The following SMURF1 variants were observed in gnomAD, a reference collection of about 807,000 sequenced individuals.
SMURF1 encodes the protein SMAD specific E3 ubiquitin protein ligase 1.
Under a neutral mutation model 98.0 loss-of-function variants are expected in SMURF1, and 44 were observed. The ratio of observed to expected loss-of-function variants is 0.45; its 90% confidence interval spans 0.35 to 0.58. The LOEUF (loss-of-function observed/expected upper bound fraction) is 0.58. Among genes scored for constraint, SMURF1 ranks in the 20% least tolerant of loss-of-function variants. The pLI, the probability that SMURF1 is intolerant of heterozygous loss-of-function variation, is 0.00. For synonymous variants in SMURF1, 396 were observed against 374.9 expected, an observed-to-expected ratio of 1.06 and a Z score of -0.65; for missense variants, 687 against 938.4, an observed-to-expected ratio of 0.73 and a Z score of 3.50.
At position 99,033,080 on chromosome 7, in the gene SMURF1, G is replaced by C; in HGVS notation, c.2053C>G (p.Leu685Val). 1.3e-6 allele frequency: 2 copies of C among 1,592,088 alleles called. No homozygotes were observed. Among genetic ancestry groups the C allele is most frequent in the Non-Finnish European group, 1.7e-6 (2 of 1,168,546 alleles). ...AAGPRLFTIH[L>V]IDANTDNLPK... Reference sequence around the variant, plus strand: ...AGGTTGTCTGTGTTCGCGTCTATCAGGTGGATGGTGAACAGCCGGGGCCCT... The same window carrying C: ...AGGTTGTCTGTGTTCGCGTCTATCACGTGGATGGTGAACAGCCGGGGCCCT... The change falls in exon 17 of 18, where the codon CTG becomes GTG. Residue 685 changes from leucine to valine, a missense_variant. Around this residue, in one of 2 missense-constraint regions of SMURF1, gnomAD observed 272 missense variants for 430.0 expected, o/e 0.63. Coordinates refer to ENST00000361368, the MANE Select transcript of SMURF1 (RefSeq NM_181349.3).
chr7:99,064,813 T>A (rs1215026949), intron 1 of SMURF1, among the ~76,000 whole-genome samples: 1 of 152,204 alleles, frequency 6.6e-6, no homozygotes, highest in African/African-American at 2.4e-5. Flanking sequence ...TGATGTTTCA[T>A]TTCTTGTTAC....
At chr7:99,051,578 G>T in intron 7 of SMURF1, 137 bp from the exon 8 acceptor site, 1 of 706,214 alleles carries the variant, frequency 1.4e-6, no homozygotes, top group Non-Finnish European at 2.5e-6. Flanking sequence ...TTCTCTCTGA[G>T]GTGGCCGAAT....
intron 3 of SMURF1, among the ~76,000 whole-genome samples, chr7:99,059,288 C>T (rs1280919652): frequency 6.8e-6 from 1 of 146,752 alleles, no homozygotes; most frequent in Non-Finnish European, 1.5e-5. Context: ...GTCCTAGCTA[C>T]TTGGGAGGCT....
chr7:99,069,162 A>G (rs745911839), intron 1 of SMURF1, among the ~76,000 whole-genome samples: 5 of 152,178 alleles, frequency 3.3e-5, no homozygotes, highest in Non-Finnish European at 7.4e-5. Flanking sequence ...AAACTGGGCA[A>G]TATTATACTG....
At chr7:99,111,765 C>G (rs1211526226) in intron 1 of SMURF1, among the ~76,000 whole-genome samples, 1 of 152,210 alleles carries the variant, frequency 6.6e-6, no homozygotes, top group East Asian at 1.9e-4. Context: ...GTACAGGTAC[C>G]TAGTACCACA....
intron 1 of SMURF1, among the ~76,000 whole-genome samples, chr7:99,077,167 C>T (rs1796481754): frequency 1.3e-5 from 2 of 151,418 alleles, no homozygotes. Context: ...TTCTTTTCAC[C>T]TGGTTGTAAT....
chr7:99,124,753 G>A (rs1379048660), intron 1 of SMURF1, among the ~76,000 whole-genome samples: 2 of 152,152 alleles, frequency 1.3e-5, no homozygotes, highest in African/African-American at 4.8e-5. Context: ...AAGAAAGCAT[G>A]TTACAATAAA....
At chr7:99,136,879 A>C (rs1798004525) in intron 1 of SMURF1, among the ~76,000 whole-genome samples, 1 of 152,144 alleles carries the variant, frequency 6.6e-6, no homozygotes, top group African/African-American at 2.4e-5. Context: ...GAGCCCAAGA[A>C]GTCGAGGCTG....
chr7:99,032,359 C>T (rs905959967), intron 17 of SMURF1, among the ~76,000 whole-genome samples: 7 of 152,172 alleles, frequency 4.6e-5, no homozygotes, highest in African/African-American at 1.7e-4. Flanking sequence ...TCCTACAAAT[C>T]GGAAAACAGC....
At chr7:99,112,035 T>C (rs905350465) in intron 1 of SMURF1, among the ~76,000 whole-genome samples, 3 of 152,112 alleles carry the variant, frequency 2.0e-5, no homozygotes, top group Non-Finnish European at 4.4e-5. Context: ...AGACAAACAA[T>C]GGACTAATGT....
At chr7:99,051,594 C>T (rs1795753704) in intron 7 of SMURF1, among the ~76,000 whole-genome samples, 153 bp from the exon 8 acceptor site, 2 of 152,104 alleles carry the variant, frequency 1.3e-5, no homozygotes, top group Admixed American at 1.3e-4. Context: ...CGAATAATCC[C>T]CTCTTCTCCA....
chr7:99,086,882 T>C (rs1197410874), intron 1 of SMURF1, among the ~76,000 whole-genome samples: 2 of 152,068 alleles, frequency 1.3e-5, no homozygotes, highest in African/African-American at 4.8e-5. Context: ...ATAAAGAAAG[T>C]AGATTAGTGG....
chr7:99,130,313 C>T (rs1405399114), intron 1 of SMURF1, among the ~76,000 whole-genome samples: 2 of 152,020 alleles, frequency 1.3e-5, no homozygotes, highest in Non-Finnish European at 2.9e-5. Flanking sequence ...ATTAGCCAGG[C>T]GCAGTGGCAC....
chr7:99,057,193 G>A lies in SMURF1; in HGVS notation c.403+12C>T, dbSNP rs775722545. 6.2e-7 allele frequency: 1 copy of A among 1,613,680 alleles called. No individual in the cohort carries two copies. The highest frequency in any genetic ancestry group is 8.5e-7 in the Non-Finnish European group (1 of 1,179,644). On this transcript the variant is annotated intron_variant, in intron 5 of 17. Transcript: ENST00000361368. ...GAAAAGCATCTCTTTACACAGACAA[G>A]AAAGTTCTTACCCACTATCTGGCCA... is the stretch of plus-strand genomic sequence containing the variant.
chr7:99,129,122 C>T (rs1797806599), intron 1 of SMURF1, among the ~76,000 whole-genome samples: 2 of 152,276 alleles, frequency 1.3e-5, no homozygotes, highest in East Asian at 3.9e-4. Context: ...GCCCTAAAAC[C>T]ATATATCATT....
At chr7:99,092,798 A>C (rs1796844144) in intron 1 of SMURF1, among the ~76,000 whole-genome samples, 1 of 152,220 alleles carries the variant, frequency 6.6e-6, no homozygotes, top group Non-Finnish European at 1.5e-5. Context: ...ATCTTTAAAC[A>C]GAAGCACACA....
At chr7:99,104,147 A>G (rs1157763725) in intron 1 of SMURF1, among the ~76,000 whole-genome samples, 1 of 152,170 alleles carries the variant, frequency 6.6e-6, no homozygotes, top group Admixed American at 6.5e-5. Context: ...TCGGCCTCCC[A>G]AAGTGCTGCG....
chr7:99,089,075 G>A (rs1391880402), intron 1 of SMURF1, among the ~76,000 whole-genome samples: 1 of 151,956 alleles, frequency 6.6e-6, no homozygotes, highest in Non-Finnish European at 1.5e-5. Flanking sequence ...GTGGTGGCGT[G>A]CGCCTGTAAT....
rs559224982 is a variant in SMURF1, at chr7:99,034,211, C to T, written c.2012-1090G>A. Reference sequence around the variant, plus strand: ...TCAGAGACCTCCTGCAGGGCCCTGGCCACTCTGCCCGGGCCACCATTCAGT... The same window carrying T: ...TCAGAGACCTCCTGCAGGGCCCTGGTCACTCTGCCCGGGCCACCATTCAGT... On this transcript the variant is annotated intron_variant, in intron 16 of 17. Coordinates refer to ENST00000361368, the MANE Select transcript of SMURF1 (RefSeq NM_181349.3). Among the ~76,000 whole-genome samples, 6 of 152,326 alleles carry T rather than the reference C, an allele frequency of 3.9e-5. No homozygotes were observed. The East Asian group carries it at 7.7e-4, about 20-fold the overall frequency.
Sources: gnomAD v4.1 joint callset for allele counts (sites outside exome capture counted in the v4.1 genomes callset) on GRCh38, gnomAD v4.1.1 for gene constraint, gnomAD v4.1.1 regional missense constraint, MANE v1.5 for transcripts, NCBI Gene and HGNC (gene_info 2026-07-23, HGNC 2026-07-21) for gene names.